ACSS3: variants seen among roughly 807,000 people sequenced by gnomAD.
ACSS3 encodes acyl-CoA synthetase short-chain family member 3, mitochondrial.
ACSS3 carries 64 observed loss-of-function variants against 84.2 expected under a neutral mutation model. The ratio of observed to expected loss-of-function variants is 0.76; its 90% CI spans 0.62 to 0.94. The LOEUF (loss-of-function observed/expected upper bound fraction) is 0.94, where lower values mean the gene tolerates loss of function less well. Among genes scored for constraint, ACSS3 ranks in the 40% least tolerant of loss-of-function variants. ACSS3 has a pLI of 0.00. For missense variants in ACSS3, 815 were observed against 867.6 expected (o/e 0.94, Z 0.76); for synonymous variants, 317 against 310.1 (o/e 1.02, Z -0.23).
At chr12:81,098,288 T>C (rs1216357389) in intron 1 of ACSS3, among the ~76,000 whole-genome samples, 2 of 152,136 alleles carry the variant, frequency 1.3e-5, no homozygotes, top group Admixed American at 1.3e-4. Context: ...GCTGAATAAT[T>C]GGGTAAATAA....
rs2136020248 is a variant in ACSS3, at chr12:81,253,399, G to A, written c.1812G>A (p.Leu604=). 1 of 1,613,850 alleles carries A rather than the reference G, an allele frequency of 6.2e-7. No homozygotes were observed. The highest frequency in any genetic ancestry group is 8.5e-7 in the Non-Finnish European group (1 of 1,179,834). The change falls in exon 14 of 16, where the codon TTG becomes TTA. Residue 604 remains leucine, a synonymous_variant. Transcript: ENST00000548058. ...KGHVPLALCV[L]RKDINATEEQ... is the part of the protein sequence containing the mutation. ...ATGTCCCCTTAGCACTCTGTGTATTGAGAAAAGGTGAGAGATCTTTTTCTC... is the reference window on the plus strand; with the variant it reads ...ATGTCCCCTTAGCACTCTGTGTATTAAGAAAAGGTGAGAGATCTTTTTCTC...
chr12:81,168,653 C>T (rs568992483), intron 7 of ACSS3, among the ~76,000 whole-genome samples: 3 of 152,200 alleles, frequency 2.0e-5, no homozygotes, highest in Admixed American at 1.3e-4. Context: ...TCCTATAAAT[C>T]ATGACATTTA....
At chr12:81,107,511 C>CACACACACACATATATATAT (rs1403415163) in intron 1 of ACSS3, among the ~76,000 whole-genome samples, 1 of 38,828 alleles carries the variant, frequency 2.6e-5, no homozygotes, top group African/African-American at 8.5e-5. Context: ...CAAATATATA[C>CACACACACACATATATATAT]ATATATATAT....
chr12:81,258,225 C>T lies in ACSS3; in HGVS notation c.*3303C>T, dbSNP rs576145957. On this transcript the variant is annotated 3_prime_UTR_variant, in exon 16 of 16. Transcript: ENST00000548058. ...TTTCCTGATAGTTTAAGTAAATTGT[C>T]GAGCCTTATGTGACTAGAAAACAAA... 6 of 152,110 alleles carry T rather than the reference C, an allele frequency of 3.9e-5. No individual in the cohort carries two copies. The South Asian group carries it at 1.2e-3, about 32-fold the overall frequency. 9.4% of individuals were successfully genotyped at this position (152,110 alleles called of 1,614,324 possible).
chr12:81,149,892 A>T (rs1328367841), intron 5 of ACSS3, among the ~76,000 whole-genome samples: 1 of 152,190 alleles, frequency 6.6e-6, no homozygotes, highest in East Asian at 1.9e-4. Context: ...TACAACTTTT[A>T]ATGCTTTTTC....
chr12:81,125,205 C>T (rs1884987943), intron 2 of ACSS3, among the ~76,000 whole-genome samples: 2 of 151,558 alleles, frequency 1.3e-5, no homozygotes, highest in African/African-American at 2.4e-5. Context: ...AAGAGCGAGA[C>T]TTCGTCTCAA....
chr12:81,092,856 A>G (rs1270585598), intron 1 of ACSS3, among the ~76,000 whole-genome samples: 5 of 152,220 alleles, frequency 3.3e-5, no homozygotes, highest in Non-Finnish European at 1.5e-5. Flanking sequence ...ACTTCGTAAC[A>G]TTGTTCTCAG....
Position 81,243,802 on chromosome 12 carries a change from A to G in ACSS3, c.1720-9505A>G, listed in dbSNP as rs149345988. Among the ~76,000 whole-genome samples, 78 of 152,282 alleles carry G rather than the reference A, an allele frequency of 5.1e-4. No homozygotes were observed. In the East Asian group the frequency reaches 0.013, roughly 26 times the overall value. Reference sequence around the variant, plus strand: ...ACTGCTGTCATTCACTTGCTAGCACATTAGCATATACACATGCGCATATAC... The same window carrying G: ...ACTGCTGTCATTCACTTGCTAGCACGTTAGCATATACACATGCGCATATAC... On this transcript the variant is annotated intron_variant, in intron 13 of 15. Coordinates refer to ENST00000548058, the MANE Select transcript of ACSS3 (RefSeq NM_024560.4).
intron 8 of ACSS3, among the ~76,000 whole-genome samples, chr12:81,185,339 C>T (rs577493324): frequency 7.3e-5 from 11 of 151,694 alleles, no homozygotes; most frequent in African/African-American, 2.4e-4. Flanking sequence ...TACTGGAGTA[C>T]TAGCAAGAAC....
intron 11 of ACSS3, 87 bp downstream of exon 11, chr12:81,220,163 C>A: frequency 1.5e-6 from 1 of 685,646 alleles, no homozygotes. Flanking sequence ...AGTGTTACTG[C>A]TACTGAGGAA....
chr12:81,209,793 G>A (rs142427874), intron 9 of ACSS3, among the ~76,000 whole-genome samples: 1 of 152,146 alleles, frequency 6.6e-6, no homozygotes, highest in Non-Finnish European at 1.5e-5. Context: ...CAGAAAAGGG[G>A]TGAGCACTTC....
At chr12:81,087,610 A>G (rs1306764916) in intron 1 of ACSS3, among the ~76,000 whole-genome samples, 3 of 152,152 alleles carry the variant, frequency 2.0e-5, no homozygotes, top group African/African-American at 7.2e-5. Flanking sequence ...ATGGGAGCTT[A>G]GAAAAGTCCA....
At chr12:81,213,736 C>CCCTCCGCTCG in intron 9 of ACSS3, among the ~76,000 whole-genome samples, 1 of 97,582 alleles carries the variant, frequency 1.0e-5, no homozygotes, top group African/African-American at 3.9e-5. Flanking sequence ...CCCTCCGCTC[C>CCCTCCGCTCG]CCTCCGCTCG....
intron 5 of ACSS3, among the ~76,000 whole-genome samples, chr12:81,145,092 A>AT (rs1886275384): frequency 1.5e-5 from 1 of 65,762 alleles, no homozygotes; most frequent in African/African-American, 5.5e-5. Flanking sequence ...TTTTTTTTGT[A>AT]TTTTTAGTAG....
At chr12:81,124,245 G>GT (rs1284716223) in intron 2 of ACSS3, among the ~76,000 whole-genome samples, 1 of 152,002 alleles carries the variant, frequency 6.6e-6, no homozygotes, top group African/African-American at 2.4e-5. Context: ...AATTAGTTAT[G>GT]TTGAGCACTT....
intron 8 of ACSS3, 52 bp from the exon 9 acceptor site, chr12:81,199,289 T>C (rs2031990244): frequency 1.3e-6 from 2 of 1,483,924 alleles, no homozygotes; most frequent in East Asian, 2.4e-5. Flanking sequence ...GTAAATACAA[T>C]TATTTAGATT....
intron 2 of ACSS3, 141 bp from the exon 3 acceptor site, chr12:81,134,672 TATC>T: frequency 1.7e-6 from 1 of 574,124 alleles, no homozygotes; most frequent in Non-Finnish European, 2.7e-6. Flanking sequence ...TCTAAAGCAT[TATC>T]ATCATCATCA....
At chr12:81,150,739 A>G (rs770213031) in intron 5 of ACSS3, among the ~76,000 whole-genome samples, 47 of 152,254 alleles carry the variant, frequency 3.1e-4, no homozygotes, top group Non-Finnish European at 5.9e-4. Context: ...TGAGGAGAGC[A>G]GCAATGTTAG....
At chr12:81,161,558 G>T (rs907701924) in intron 7 of ACSS3, among the ~76,000 whole-genome samples, 16 of 152,242 alleles carry the variant, frequency 1.1e-4, no homozygotes, top group Admixed American at 4.6e-4. Context: ...ATCTCTTACT[G>T]AATGCTTTTT....
Sources: allele counts gnomAD v4.1 joint callset (sites outside exome capture counted in the v4.1 genomes callset), GRCh38; gene constraint gnomAD v4.1.1; transcripts MANE v1.5; gene names NCBI Gene and HGNC (gene_info 2026-07-23, HGNC 2026-07-21).